Variants in CYP2A7 observed in about 807,000 individuals in gnomAD.
The protein encoded by CYP2A7 is cytochrome P450 2A7.
CYP2A7 carries 36 observed loss-of-function variants against 42.0 expected under a neutral mutation model. The observed-to-expected ratio is 0.86, with a 90% CI of 0.66 to 1.13. The LOEUF is 1.13. Ranked by LOEUF, CYP2A7 falls within the 50% of genes most tolerant of loss-of-function variation. CYP2A7 has a pLI of 0.00. For synonymous variants in CYP2A7, 260 were observed against 249.5 expected (o/e 1.04, Z -0.40); for missense variants, 661 against 634.1 (o/e 1.04, Z -0.46).
chr19:40,880,066 C>A lies in CYP2A7; in HGVS notation c.654+18G>T, dbSNP rs201485145. The A allele has an allele frequency of 2.0e-3, 3,143 of 1,611,122 alleles. 74 individuals carry two copies. The highest frequency in any genetic ancestry group is 2.6e-3 in the Non-Finnish European group (3,009 of 1,178,020). On this transcript the variant is annotated intron_variant, in intron 4 of 8. Coordinates refer to ENST00000301146, the MANE Select transcript of CYP2A7 (RefSeq NM_000764.3). ...AGGTTGTGGTAGGGGCGTCACGGGC[C>A]GGGCTGCAGCCAGTTACCTGCCCCG... is the stretch of plus-strand genomic sequence containing the variant.
intron 1 of CYP2A7, 111 bp from the exon 2 acceptor site, chr19:40,881,862 G>T: frequency 3.9e-6 from 6 of 1,527,482 alleles, no homozygotes; most frequent in Non-Finnish European, 5.3e-6. Flanking sequence ...TCACAGTCAG[G>T]GAGCTGGACA....
intron 7 of CYP2A7, 53 bp from the exon 8 acceptor site, chr19:40,876,721 A>G (rs1440724549): frequency 1.3e-6 from 2 of 1,575,184 alleles, no homozygotes; most frequent in Admixed American, 1.7e-5. Context: ...GGATTGGTGA[A>G]AGTACACAGG....
chr19:40,880,732 G>T (rs1466497019), intron 2 of CYP2A7, 104 bp from the exon 3 acceptor site: 2 of 1,245,250 alleles, frequency 1.6e-6, no homozygotes, highest in African/African-American at 1.7e-5. Context: ...GGGTAGTGGG[G>T]TGGGAGAGAG....
chr19:40,877,552 A>G (rs1967565435), intron 6 of CYP2A7, among the ~76,000 whole-genome samples, 175 bp from the exon 7 acceptor site: 1 of 151,538 alleles, frequency 6.6e-6, no homozygotes. Flanking sequence ...CCTGTTAACC[A>G]GGTTGTGCCA....
rs1568527248 is a variant in CYP2A7 at position 40,880,244 on chromosome 19, C to G, written c.494G>C (p.Gly165Ala). 1 of 1,612,380 alleles carries G rather than the reference C, an allele frequency of 6.2e-7. No individual in the cohort carries two copies. Among genetic ancestry groups the G allele is most frequent in the African/African-American group, 1.3e-5 (1 of 74,774 alleles). Reference sequence around the variant, plus strand: ...GAAGAAGGTGGGATCGATATTGGCGCCTGCGGGTGTGGAGGGAGAAGGGGG... The same window carrying G: ...GAAGAAGGTGGGATCGATATTGGCGGCTGCGGGTGTGGAGGGAGAAGGGGG... ...FLIEAIRSTHGANIDPTFFLS... is the reference protein window; with the variant it reads ...FLIEAIRSTHAANIDPTFFLS... The change falls in exon 4 of 9, where the codon GGC becomes GCC. Residue 165 changes from glycine to alanine, a missense_variant and splice_region_variant. This residue lies in a region of CYP2A7 where 614 missense variants were observed against 552.4 expected (regional missense o/e 1.11). Coordinates refer to ENST00000301146, the MANE Select transcript of CYP2A7 (RefSeq NM_000764.3).
chr19:40,879,959 T>G, intron 4 of CYP2A7, 125 bp downstream of exon 4: 1 of 1,485,554 alleles, frequency 6.7e-7, no homozygotes, highest in Non-Finnish European at 9.2e-7. Flanking sequence ...TTGTCCAATA[T>G]CGGGGGCTGA....
intron 4 of CYP2A7, among the ~76,000 whole-genome samples, chr19:40,879,807 C>T (rs529431997): frequency 3.2e-4 from 48 of 150,588 alleles, no homozygotes; most frequent in African/African-American, 9.2e-4. Context: ...TTAGAAATTA[C>T]GGTAAGTTGG....
rs1327940528 is a variant in CYP2A7 at position 40,877,963 on chromosome 19, A to G, written c.862T>C (p.Leu288=). The G allele has an allele frequency of 1.2e-6, 2 of 1,612,378 alleles. No individual in the cohort carries two copies. The highest frequency in any genetic ancestry group is 2.2e-5 in the East Asian group (1 of 44,864). ...EEKNPNTEFY[L]KNLMMSTLNL... ...AACGTGCTCATCATCAGGTTCTTCA[A>G]GTAGAACTCCGTGTTGGGGTTCTTC... is the stretch of plus-strand genomic sequence containing the variant. The change falls in exon 6 of 9, where the codon TTG becomes CTG. Residue 288 remains leucine (L), a synonymous_variant. Coordinates refer to ENST00000301146, the MANE Select transcript of CYP2A7 (RefSeq NM_000764.3).
rs773217412 is a variant in CYP2A7 at position 40,881,743 on chromosome 19, C to G, written c.189G>C (p.Glu63Asp). 88 of 1,583,712 alleles carry G rather than the reference C, an allele frequency of 5.6e-5. 2 individuals carry two copies. The highest frequency in any genetic ancestry group is 1.1e-4 in the Admixed American group (6 of 53,852). Reference protein sequence around the residue: ...HICDSIMKFSECYGPVFTIHL... With the variant: ...HICDSIMKFSDCYGPVFTIHL... ...GAATGGTGAACACGGGGCCATAGCA[C>G]TCACTGAACTGATGGAGGCGAGTGG... is the stretch of plus-strand genomic sequence containing the variant. The change falls in exon 2 of 9, where the codon GAG (glutamate) becomes GAC (aspartate). Residue 63 changes from glutamate (E) to aspartate (D), a missense_variant. Around this residue, in one of 3 missense-constraint regions of CYP2A7, gnomAD observed 614 missense variants for 552.4 expected, o/e 1.11. Coordinates refer to ENST00000301146, the MANE Select transcript of CYP2A7 (RefSeq NM_000764.3).
Position 40,880,155 on chromosome 19 carries a change from C to T in CYP2A7, c.583G>A (p.Asp195Asn). Residue 195 changes from aspartate to asparagine, a missense_variant, in exon 4 of 9, where the codon GAC (aspartate) becomes AAC (asparagine). This residue lies in a region of CYP2A7 where 614 missense variants were observed against 552.4 expected (regional missense o/e 1.11). Coordinates refer to ENST00000301146, the MANE Select transcript of CYP2A7 (RefSeq NM_000764.3). ...IVFGDRFDYE[D>N]KEFLSLLSMM... ...CTCAGCAGTGACAGGAACTCTTTGT[C>T]CTCATAGTCAAAGCGGTCCCCAAAG... 1 of 1,612,982 alleles carries T rather than the reference C, an allele frequency of 6.2e-7. No individual in the cohort carries two copies. The highest frequency in any genetic ancestry group is 1.1e-5 in the South Asian group (1 of 91,038).
intron 6 of CYP2A7, 62 bp from the exon 7 acceptor site, chr19:40,877,439 T>G: frequency 1.9e-6 from 3 of 1,589,146 alleles, no homozygotes; most frequent in Non-Finnish European, 2.6e-6. Context: ...AATGATAGTC[T>G]GAATAGGTAA....
rs544659155 is a variant in CYP2A7 at position 40,877,995 on chromosome 19, T to G, written c.832-2A>C. 95 of 1,609,966 alleles carry G rather than the reference T, an allele frequency of 5.9e-5. No individual in the cohort carries two copies. In the East Asian group the frequency reaches 1.2e-3, roughly 21 times the overall value. On this transcript the variant is annotated splice_acceptor_variant, in intron 5 of 8. Coordinates refer to ENST00000301146, the MANE Select transcript of CYP2A7 (RefSeq NM_000764.3). LOFTEE classifies it high-confidence loss of function. ...CTCCGTGTTGGGGTTCTTCTCCTCCTGCAGGGAGAGGGGGCTTTAGGCCAA... is the reference window on the plus strand; with the variant it reads ...CTCCGTGTTGGGGTTCTTCTCCTCCGGCAGGGAGAGGGGGCTTTAGGCCAA...
rs1375300011 is a variant in CYP2A7, at chr19:40,880,555, C to G, written c.417G>C (p.Gly139=). Residue 139 remains glycine, a synonymous_variant, in exon 3 of 9, where the codon GGG becomes GGC. Coordinates refer to ENST00000301146, the MANE Select transcript of CYP2A7 (RefSeq NM_000764.3). ...RFAIATLRDF[G]VGKRGIEERI... is the part of the protein sequence containing the mutation. Reference sequence around the variant, plus strand: ...GCTCCTCGATGCCTCGCTTGCCCACCCCGAAGTCCCTCAGGGTGGCGATGG... The same window carrying G: ...GCTCCTCGATGCCTCGCTTGCCCACGCCGAAGTCCCTCAGGGTGGCGATGG... 7 of 1,611,438 alleles carry G rather than the reference C, an allele frequency of 4.3e-6. No homozygotes were observed. In the African/African-American group the frequency reaches 8.0e-5, roughly 19 times the overall value.
rs373592664 is a variant in CYP2A7 at position 40,877,911 on chromosome 19, G to C, written c.914C>G (p.Thr305Arg). ...TLNLFIAGTE[T>R]VSTTLRYGFL... ...GCCATAGCGCAGGGTGGTGCTGACC[G>C]TCTCGGTGCCTGCAATGAAGAGGTT... The change falls in exon 6 of 9, where the codon ACG becomes AGG. Residue 305 changes from threonine (T) to arginine (R), a missense_variant. Transcript: ENST00000301146. The C allele has an allele frequency of 6.8e-6, 11 of 1,612,582 alleles. 1 individual carries two copies. The highest frequency in any genetic ancestry group is 9.3e-6 in the Non-Finnish European group (11 of 1,179,048).
rs1967689880 is a variant in CYP2A7 at position 40,881,586 on chromosome 19, C to A, written c.343+3G>T. ...ACCTTCCCCATCTTGGGCACCCCCTCACCATAGCCTTTGAAGACCCAGTCG... is the reference window on the plus strand; with the variant it reads ...ACCTTCCCCATCTTGGGCACCCCCTAACCATAGCCTTTGAAGACCCAGTCG... On this transcript the variant is annotated splice_donor_region_variant and intron_variant, in intron 2 of 8. Transcript: ENST00000301146. 6.2e-7 allele frequency: 1 copy of A among 1,611,680 alleles called. No individual in the cohort carries two copies. Among genetic ancestry groups the A allele is most frequent in the Admixed American group, 1.7e-5 (1 of 59,938 alleles).
In CYP2A7 at chr19:40,881,822, C is replaced by G. The variant is rs1967700444; in HGVS notation, c.181-71G>C. 7 of 1,586,706 alleles carry G rather than the reference C, an allele frequency of 4.4e-6. No homozygotes were observed. In the South Asian group the frequency reaches 6.8e-5, roughly 15 times the overall value. Reference sequence around the variant, plus strand: ...TGAATGGGGCCCAGCACCGAGATGTCAAGTACTGGGATCCTTCACCCCCAG... The same window carrying G: ...TGAATGGGGCCCAGCACCGAGATGTGAAGTACTGGGATCCTTCACCCCCAG... On this transcript the variant is annotated intron_variant, in intron 1 of 8. Transcript: ENST00000301146.
chr19:40,876,962 A>T, intron 7 of CYP2A7: 1 of 658,214 alleles, frequency 1.5e-6, no homozygotes, highest in Non-Finnish European at 2.6e-6. Flanking sequence ...TTAAGATAGG[A>T]AGTTTTGGAA....
At position 40,882,217 on chromosome 19, in the gene CYP2A7, A is replaced by G. The variant is rs1967715285; in HGVS notation, c.-7T>C. 1.2e-6 allele frequency: 2 copies of G among 1,613,010 alleles called. No homozygotes were observed. Among genetic ancestry groups the G allele is most frequent in the Admixed American group, 1.7e-5 (1 of 59,976 alleles). ...GCAGCCCTGAGGCCAGCATGGTGGT[A>G]GTGAGATGACAGATGGTGATGGGTG... On this transcript the variant is annotated 5_prime_UTR_variant, in exon 1 of 9. Transcript: ENST00000301146.
At position 40,876,013 on chromosome 19, in the gene CYP2A7, G is replaced by A; in HGVS notation, c.1304-139C>T. The A allele has an allele frequency of 6.4e-6, 9 of 1,409,934 alleles. 1 individual carries two copies. Among genetic ancestry groups the A allele is most frequent in the Non-Finnish European group, 6.6e-6 (7 of 1,058,506 alleles). 87.3% of individuals were successfully genotyped at this position (1,409,934 alleles called of 1,614,324 possible). ...CTGAGAGAGTTTCAGAGGAGGCTCT[G>A]ATCCTCCCTGAGCCTCAGTTTCTTT... On this transcript the variant is annotated intron_variant, in intron 8 of 8. Coordinates refer to ENST00000301146, the MANE Select transcript of CYP2A7 (RefSeq NM_000764.3).
Sources: allele counts gnomAD v4.1 joint callset (sites outside exome capture counted in the v4.1 genomes callset), GRCh38; gene constraint gnomAD v4.1.1; regional missense constraint gnomAD v4.1.1; transcripts MANE v1.5; gene names NCBI Gene and HGNC (gene_info 2026-07-23, HGNC 2026-07-21).